The following BRMS1L variants were observed in gnomAD, a reference collection of about 807,000 sequenced individuals.
BRMS1L encodes breast cancer metastasis-suppressor 1-like protein.
A neutral mutation model predicts 50.3 loss-of-function variants in BRMS1L; 23 were observed. The ratio of observed to expected loss-of-function variants is 0.46; its 90% CI spans 0.33 to 0.65. The LOEUF (loss-of-function observed/expected upper bound fraction) is 0.65. BRMS1L is among the 30% of genes least tolerant of loss of function. BRMS1L has a pLI of 0.02. For missense variants in BRMS1L, 286 were observed against 386.1 expected (o/e 0.74, Z 2.17); for synonymous variants, 114 against 126.9 (o/e 0.90, Z 0.69).
At chr14:35,868,061 GC>G (rs2078444160) in intron 9 of BRMS1L, 29 bp downstream of exon 9, 1 of 1,569,842 alleles carries the variant, frequency 6.4e-7, no homozygotes, top group African/African-American at 1.4e-5. Context: ...TTTCAGTGTT[GC>G]TCAGTATTGT....
chr14:35,864,612 G>A (rs1855225271), intron 6 of BRMS1L, among the ~76,000 whole-genome samples: 1 of 152,038 alleles, frequency 6.6e-6, no homozygotes, highest in African/African-American at 2.4e-5. Context: ...AAATTAATAC[G>A]TATATTCAGT....
intron 4 of BRMS1L, among the ~76,000 whole-genome samples, chr14:35,854,783 G>A (rs758439956): frequency 1.3e-5 from 2 of 152,132 alleles, no homozygotes; most frequent in Non-Finnish European, 2.9e-5. Context: ...GTGAGCACTG[G>A]TCAGAGGATG....
At chr14:35,839,501 G>A (rs2078035284) in intron 4 of BRMS1L, among the ~76,000 whole-genome samples, 1 of 152,184 alleles carries the variant, frequency 6.6e-6, no homozygotes, top group East Asian at 1.9e-4. Context: ...TCCTATCCAT[G>A]AACATGGAAT....
At chr14:35,850,424 C>G in intron 4 of BRMS1L, among the ~76,000 whole-genome samples, 1 of 150,336 alleles carries the variant, frequency 6.7e-6, no homozygotes, top group East Asian at 2.0e-4. Flanking sequence ...TCAAGCTGGT[C>G]TTGAATTCCG....
intron 4 of BRMS1L, among the ~76,000 whole-genome samples, chr14:35,845,825 A>G (rs1452404106): frequency 2.0e-5 from 3 of 152,142 alleles, no homozygotes; most frequent in African/African-American, 7.2e-5. Context: ...GCGTGATCAT[A>G]GTGCACTGCA....
chr14:35,853,760 G>C (rs916820129), intron 4 of BRMS1L, among the ~76,000 whole-genome samples: 1 of 152,046 alleles, frequency 6.6e-6, no homozygotes, highest in Non-Finnish European at 1.5e-5. Flanking sequence ...CGTATTTTGA[G>C]TTTTCCATTT....
chr14:35,866,721 AT>A (rs2078427044), intron 8 of BRMS1L, among the ~76,000 whole-genome samples: 1 of 152,160 alleles, frequency 6.6e-6, no homozygotes. Flanking sequence ...ATTGCATTTT[AT>A]TTTTAACCCC....
intron 9 of BRMS1L, among the ~76,000 whole-genome samples, 180 bp downstream of exon 9, chr14:35,868,212 A>C (rs1418118333): frequency 6.6e-6 from 1 of 152,222 alleles, no homozygotes; most frequent in Middle Eastern, 3.2e-3. Context: ...TATGAACCAG[A>C]CTTCATATTA....
intron 4 of BRMS1L, among the ~76,000 whole-genome samples, chr14:35,844,519 A>C (rs1019083341): frequency 1.3e-5 from 2 of 152,064 alleles, no homozygotes; most frequent in Non-Finnish European, 2.9e-5. Context: ...GGCTGTACCC[A>C]CTGTTTAACC....
At chr14:35,860,462 T>C (rs2078334809) in intron 4 of BRMS1L, among the ~76,000 whole-genome samples, 1 of 152,148 alleles carries the variant, frequency 6.6e-6, no homozygotes, top group African/African-American at 2.4e-5. Context: ...TCTTGTCATT[T>C]ATTGTCAGAT....
intron 4 of BRMS1L, among the ~76,000 whole-genome samples, chr14:35,855,405 T>C (rs1419131178): frequency 1.3e-5 from 2 of 152,204 alleles, no homozygotes; most frequent in African/African-American, 4.8e-5. Context: ...CTTTATTTTC[T>C]TAGAGTTTAA....
At chr14:35,828,823 T>C (rs1287593557) in intron 1 of BRMS1L, among the ~76,000 whole-genome samples, 1 of 152,180 alleles carries the variant, frequency 6.6e-6, no homozygotes, top group Non-Finnish European at 1.5e-5. Context: ...AAATGTGACA[T>C]TGGAACCTGC....
chr14:35,870,319 CATT>C, intron 9 of BRMS1L, 38 bp from the exon 10 acceptor site: 5 of 1,217,602 alleles, frequency 4.1e-6, no homozygotes, highest in Non-Finnish European at 4.8e-6. Flanking sequence ...ATTGAGGAGA[CATT>C]GTAATTCATT....
intron 9 of BRMS1L, among the ~76,000 whole-genome samples, chr14:35,870,076 AGAGGT>A (rs2078470481): frequency 6.7e-6 from 1 of 150,004 alleles, no homozygotes; most frequent in Non-Finnish European, 1.5e-5. Context: ...TTTTTTTTAA[AGAGGT>A]GGGGTGGGGA....
intron 4 of BRMS1L, among the ~76,000 whole-genome samples, chr14:35,845,401 T>G (rs976722472): frequency 2.0e-5 from 3 of 152,210 alleles, no homozygotes; most frequent in South Asian, 4.1e-4. Context: ...TTCCTCTTCT[T>G]TTTTTCTCAG....
intron 8 of BRMS1L, 173 bp downstream of exon 8, chr14:35,865,934 A>C: frequency 1.7e-6 from 1 of 596,318 alleles, no homozygotes. Context: ...AAAGTTTCAA[A>C]ATTTCTGAAT....
chr14:35,855,211 G>T (rs1404361951), intron 4 of BRMS1L, among the ~76,000 whole-genome samples: 1 of 152,132 alleles, frequency 6.6e-6, no homozygotes, highest in African/African-American at 2.4e-5. Flanking sequence ...TTAACATGCT[G>T]GTTTCTAGCT....
At chr14:35,832,349 CAAAAAAAA>C (rs869067604) in intron 2 of BRMS1L, among the ~76,000 whole-genome samples, 2 of 61,646 alleles carry the variant, frequency 3.2e-5, no homozygotes, top group African/African-American at 7.4e-5. Flanking sequence ...CTAAAAAATA[CAAAAAAAA>C]AAAAAAAAAA....
intron 1 of BRMS1L, chr14:35,829,864 T>C (rs1043080576): frequency 4.9e-5 from 61 of 1,238,796 alleles, no homozygotes; most frequent in Non-Finnish European, 6.0e-5. Context: ...TGAATGAATA[T>C]ATGTGATATG....
Sources: allele counts gnomAD v4.1 joint callset (sites outside exome capture counted in the v4.1 genomes callset), GRCh38; gene constraint gnomAD v4.1.1; transcripts MANE v1.5; gene names NCBI Gene and HGNC (gene_info 2026-07-23, HGNC 2026-07-21).